Variants in TPM3 observed in about 807,000 individuals in gnomAD.
TPM3 encodes the protein tropomyosin 3.
In TPM3, 16 loss-of-function variants were observed where a neutral mutation model predicts 43.1. The ratio of observed to expected loss-of-function variants is 0.37; its 90% confidence interval spans 0.25 to 0.56. The LOEUF (loss-of-function observed/expected upper bound fraction) is 0.56. Among genes scored for constraint, TPM3 ranks in the 20% least tolerant of loss-of-function variants. The pLI is 0.77. For synonymous variants in TPM3, 101 were observed against 116.9 expected (o/e 0.86, Z 0.88); for missense variants, 176 against 337.2 (o/e 0.52, Z 3.74).
At chr1:154,174,295 A>G (rs1470050863) in intron 3 of TPM3, among the ~76,000 whole-genome samples, 2 of 146,806 alleles carry the variant, frequency 1.4e-5, no homozygotes, top group Non-Finnish European at 3.0e-5. Flanking sequence ...AGATTGTGCC[A>G]CTGCACTCCA....
chr1:154,168,041 A>C lies in TPM3; in HGVS notation c.855-101T>G. 4 of 1,540,558 alleles carry C rather than the reference A, an allele frequency of 2.6e-6. No homozygotes were observed. The South Asian group carries it at 4.5e-5, about 18-fold the overall frequency. On this transcript the variant is annotated intron_variant, in intron 9 of 9. Coordinates refer to ENST00000651641, the MANE Select transcript of TPM3 (RefSeq NM_152263.4). ...AGGAAAAAAAGGAAGAGGTGGCAGC[A>C]GGAATAATAAAAGAGAGCCAGACAC...
intron 2 of TPM3, among the ~76,000 whole-genome samples, chr1:154,188,762 C>T (rs1663530639): frequency 6.6e-6 from 1 of 150,914 alleles, no homozygotes; most frequent in African/African-American, 2.5e-5. Context: ...TGTTTCTAAC[C>T]TCTGGCATAA....
At chr1:154,169,760 A>C in intron 8 of TPM3, 1 of 311,190 alleles carries the variant, frequency 3.2e-6, no homozygotes, top group Admixed American at 4.5e-5. Context: ...ATATTCAGAC[A>C]CTTCTCTGCC....
chr1:154,183,279 G>A, intron 2 of TPM3: 1 of 1,513,450 alleles, frequency 6.6e-7, no homozygotes, highest in Non-Finnish European at 8.8e-7. Context: ...CCACCGCCAG[G>A]CAGGCGGGAA....
Position 154,167,657 on chromosome 1 carries a change from C to T in TPM3, c.*280G>A. On this transcript the variant is annotated 3_prime_UTR_variant, in exon 10 of 10. Coordinates refer to ENST00000651641, the MANE Select transcript of TPM3 (RefSeq NM_152263.4). Reference sequence around the variant, plus strand: ...CATAAGTCAGAGGAGGGGGAGCCTACAATAGCTCTTCCCCACATCACACCC... The same window carrying T: ...CATAAGTCAGAGGAGGGGGAGCCTATAATAGCTCTTCCCCACATCACACCC... 1 of 1,319,092 alleles carries T rather than the reference C, an allele frequency of 7.6e-7. No individual in the cohort carries two copies. 81.7% of individuals were successfully genotyped at this position (1,319,092 alleles called of 1,614,324 possible). A position where few individuals can be genotyped will look rare whatever the true frequency, so the allele number is the denominator to read the frequency against.
At chr1:154,182,956 C>T (rs931903369) in intron 2 of TPM3, 1 of 1,610,324 alleles carries the variant, frequency 6.2e-7, no homozygotes, top group Non-Finnish European at 8.5e-7. Flanking sequence ...CCAGCGCCTG[C>T]CCCTCCCTCA....
Position 154,163,261 on chromosome 1 carries a change from C to A in TPM3, c.*4676G>T, listed in dbSNP as rs1212405208. On this transcript the variant is annotated 3_prime_UTR_variant, in exon 10 of 10. Coordinates refer to ENST00000651641, the MANE Select transcript of TPM3 (RefSeq NM_152263.4). ...ACAATGAAATACAATTAAATTTTAG[C>A]CCCTCAGCCACACTAGCCATGTTTT... 1.3e-5 allele frequency among the ~76,000 whole-genome samples: 2 copies of A among 152,182 alleles called. No homozygotes were observed. The highest frequency in any genetic ancestry group is 2.4e-5 in the African/African-American group (1 of 41,444).
chr1:154,182,906 C>T, intron 2 of TPM3: 1 of 1,600,570 alleles, frequency 6.2e-7, no homozygotes. Flanking sequence ...GAGGACCGTG[C>T]TCCACGGCAA....
At chr1:154,190,815 A>C (rs1212254041) in intron 2 of TPM3, among the ~76,000 whole-genome samples, 1 of 152,218 alleles carries the variant, frequency 6.6e-6, no homozygotes, top group Admixed American at 6.5e-5. Context: ...CCACATGCCA[A>C]GACTTGGACA....
rs568349680 is a variant in TPM3 at position 154,164,045 on chromosome 1, C to A, written c.*3892G>T. ...CTCTTATGTCAACCTCTCTGCCTCA[C>A]GCCCTAGAATTTTGTTTTCACCCAG... On this transcript the variant is annotated 3_prime_UTR_variant, in exon 10 of 10. Transcript: ENST00000651641. Among the ~76,000 whole-genome samples the A allele has an allele frequency of 6.6e-6, 1 of 152,126 alleles. No homozygotes were observed. The highest frequency in any genetic ancestry group is 2.4e-5 in the African/African-American group (1 of 41,422).
chr1:154,184,132 C>T (rs190561558), intron 2 of TPM3, among the ~76,000 whole-genome samples: 2 of 151,990 alleles, frequency 1.3e-5, no homozygotes, highest in East Asian at 1.9e-4. Flanking sequence ...CTGTAAGCTC[C>T]GCCTCCCGGG....
At chr1:154,172,001 A>G in intron 5 of TPM3, 1 of 1,612,082 alleles carries the variant, frequency 6.2e-7, no homozygotes, top group Non-Finnish European at 8.5e-7. Context: ...CACATATATA[A>G]CCTTGCTGTG....
chr1:154,163,969 TA>T lies in TPM3; in HGVS notation c.*3967del. On this transcript the variant is annotated 3_prime_UTR_variant, in exon 10 of 10. Transcript: ENST00000651641. ...TATTTGCAATTGTCCTTCATGGTTCTAATTTACCTCCATGGCATAAACTACC... is the reference window on the plus strand; with the variant it reads ...TATTTGCAATTGTCCTTCATGGTTCTATTTACCTCCATGGCATAAACTACC... Among the ~76,000 whole-genome samples the T allele has an allele frequency of 1.3e-5, 2 of 152,044 alleles. No homozygotes were observed.
intron 8 of TPM3, chr1:154,169,684 TA>T (rs1661364651): frequency 2.0e-6 from 1 of 505,658 alleles, no homozygotes; most frequent in Admixed American, 3.2e-5. Flanking sequence ...CCCATCCAGG[TA>T]CCCAATTCCT....
intron 2 of TPM3, chr1:154,183,308 G>A (rs1195173783): frequency 6.7e-7 from 1 of 1,484,724 alleles, no homozygotes; most frequent in African/African-American, 1.4e-5. Context: ...ACTGGAGGGA[G>A]AGCCGCGGCA....
At position 154,167,633 on chromosome 1, in the gene TPM3, A is replaced by C; in HGVS notation, c.*304T>G. The C allele has an allele frequency of 7.9e-7, 1 of 1,271,020 alleles. No homozygotes were observed. Among genetic ancestry groups the C allele is most frequent in the Non-Finnish European group, 1.0e-6 (1 of 999,284 alleles). 78.7% of individuals were successfully genotyped at this position (1,271,020 alleles called of 1,614,324 possible). Reference sequence around the variant, plus strand: ...CACACACAAAAGTGGCTTTGATTACATAAGTCAGAGGAGGGGGAGCCTACA... The same window carrying C: ...CACACACAAAAGTGGCTTTGATTACCTAAGTCAGAGGAGGGGGAGCCTACA... On this transcript the variant is annotated 3_prime_UTR_variant, in exon 10 of 10. Coordinates refer to ENST00000651641, the MANE Select transcript of TPM3 (RefSeq NM_152263.4).
chr1:154,183,781 A>C (rs1663238359), intron 2 of TPM3: 2 of 158,860 alleles, frequency 1.3e-5, no homozygotes, highest in Non-Finnish European at 2.8e-5. Flanking sequence ...GGGATGGGCA[A>C]GATGGCACAA....
intron 2 of TPM3, among the ~76,000 whole-genome samples, chr1:154,190,885 A>G (rs1663651089): frequency 6.6e-6 from 1 of 152,226 alleles, no homozygotes; most frequent in African/African-American, 2.4e-5. Flanking sequence ...TTCTGAACTT[A>G]GAGTCCCCTC....
At chr1:154,187,891 A>C (rs1457138322) in intron 2 of TPM3, among the ~76,000 whole-genome samples, 1 of 151,548 alleles carries the variant, frequency 6.6e-6, no homozygotes, top group African/African-American at 2.4e-5. Context: ...CTTCATGCCC[A>C]TATGTTAGAA....
Sources: allele counts gnomAD v4.1 joint callset (sites outside exome capture counted in the v4.1 genomes callset), GRCh38; gene constraint gnomAD v4.1.1; transcripts MANE v1.5; gene names NCBI Gene and HGNC (gene_info 2026-07-23, HGNC 2026-07-21).